SNX30: variants seen among roughly 807,000 people sequenced by gnomAD.
SNX30 encodes the protein sorting nexin-30.
Under a neutral mutation model 46.4 loss-of-function variants are expected in SNX30, and 24 were observed. The ratio of observed to expected loss-of-function variants is 0.52; its 90% CI spans 0.37 to 0.73. The LOEUF is 0.73. SNX30 is among the 30% of genes least tolerant of loss of function. SNX30 has a pLI of 0.00. For synonymous variants in SNX30, 189 were observed against 211.5 expected (o/e 0.89, Z 0.92); for missense variants, 533 against 555.7 (o/e 0.96, Z 0.41).
At chr9:112,855,386 A>G (rs1196700509) in intron 7 of SNX30, among the ~76,000 whole-genome samples, 1 of 152,168 alleles carries the variant, frequency 6.6e-6, no homozygotes, top group Non-Finnish European at 1.5e-5. Context: ...TCAGCAGAAG[A>G]TCCGAGGGAG....
At chr9:112,759,862 G>T (rs1839409611) in intron 1 of SNX30, among the ~76,000 whole-genome samples, 1 of 152,162 alleles carries the variant, frequency 6.6e-6, no homozygotes, top group African/African-American at 2.4e-5. Flanking sequence ...GTGAAAAGGG[G>T]ATAACAGATG....
At chr9:112,838,245 T>C (rs1409357890) in intron 5 of SNX30, among the ~76,000 whole-genome samples, 1 of 152,170 alleles carries the variant, frequency 6.6e-6, no homozygotes, top group African/African-American at 2.4e-5. Context: ...CTTTTCCCCA[T>C]AAGGCCCATT....
intron 3 of SNX30, among the ~76,000 whole-genome samples, chr9:112,823,078 T>C (rs895902170): frequency 5.3e-5 from 8 of 152,226 alleles, no homozygotes; most frequent in Non-Finnish European, 5.9e-5. Context: ...GGAAAAAACA[T>C]ATACATATAT....
intron 2 of SNX30, among the ~76,000 whole-genome samples, chr9:112,815,218 C>T (rs1044581356): frequency 6.7e-6 from 1 of 150,176 alleles, no homozygotes; most frequent in Non-Finnish European, 1.5e-5. Flanking sequence ...TTGGTTGTGG[C>T]AAAAATAAAA....
chr9:112,804,030 A>C (rs1840181358), intron 1 of SNX30, among the ~76,000 whole-genome samples: 1 of 142,900 alleles, frequency 7.0e-6, no homozygotes, highest in African/African-American at 2.6e-5. Flanking sequence ...GCCTGCGCCC[A>C]CTGTCTGGCA....
At chr9:112,785,675 C>G (rs867828758) in intron 1 of SNX30, among the ~76,000 whole-genome samples, 1 of 151,624 alleles carries the variant, frequency 6.6e-6, no homozygotes, top group Non-Finnish European at 1.5e-5. Flanking sequence ...TGTGCCACCA[C>G]GCCTGGCCGT....
intron 3 of SNX30, among the ~76,000 whole-genome samples, chr9:112,819,573 C>G (rs1840460524): frequency 1.3e-5 from 2 of 152,098 alleles, no homozygotes. Context: ...GGCCCAAGTT[C>G]CTTTTTTCTG....
chr9:112,786,971 G>A (rs1456263903), intron 1 of SNX30, among the ~76,000 whole-genome samples: 2 of 152,030 alleles, frequency 1.3e-5, no homozygotes, highest in African/African-American at 4.8e-5. Context: ...CTTTTCCAGT[G>A]AACACGCTAA....
In SNX30 at chr9:112,751,021, A is replaced by G. The variant is rs972586763; in HGVS notation, c.20A>G (p.Lys7Arg). 6.4e-6 allele frequency: 9 copies of G among 1,395,730 alleles called. No individual in the cohort carries two copies. Among genetic ancestry groups the G allele is most frequent in the Non-Finnish European group, 4.7e-6 (5 of 1,072,648 alleles). The allele number at this position is 1,395,730 out of a possible 1,614,324, so 86.5% of individuals were successfully genotyped here. A position where few individuals can be genotyped will look rare whatever the true frequency, so the allele number is the denominator to read the frequency against. The part of the protein sequence containing the change: MAGGPP[K>R]ALPSTGPHSL... ...CGCGCCATGGCGGGCGGGCCCCCCA[A>G]GGCCCTGCCGTCCACGGGGCCCCAC... Residue 7 changes from lysine to arginine, a missense_variant, in exon 1 of 9, where the codon AAG becomes AGG. Coordinates refer to ENST00000374232, the MANE Select transcript of SNX30 (RefSeq NM_001012994.2).
intron 1 of SNX30, among the ~76,000 whole-genome samples, chr9:112,798,140 T>A (rs10981509): frequency 0.046 from 1,558 of 33,772 alleles, 27 homozygotes; most frequent in East Asian, 0.35. Flanking sequence ...TTTTTTTTTT[T>A]ATTATACTCT....
At chr9:112,851,028 G>A (rs1031250460) in intron 7 of SNX30, 83 bp downstream of exon 7, 22 of 1,052,144 alleles carry the variant, frequency 2.1e-5, no homozygotes, top group Non-Finnish European at 3.2e-5. Context: ...AGATCTGTAT[G>A]ACTAAGAGTG....
intron 7 of SNX30, among the ~76,000 whole-genome samples, chr9:112,861,561 G>A (rs1841232844): frequency 6.6e-6 from 1 of 152,178 alleles, no homozygotes; most frequent in Admixed American, 6.5e-5. Flanking sequence ...GAAGTGTGGG[G>A]CTTTTTCTAT....
At chr9:112,845,799 A>G (rs939543480) in intron 6 of SNX30, among the ~76,000 whole-genome samples, 4 of 152,246 alleles carry the variant, frequency 2.6e-5, no homozygotes, top group Non-Finnish European at 5.9e-5. Context: ...CCCTCTGTGC[A>G]GAGAGCTTTC....
At chr9:112,854,683 G>C (rs1336013966) in intron 7 of SNX30, among the ~76,000 whole-genome samples, 1 of 152,188 alleles carries the variant, frequency 6.6e-6, no homozygotes, top group African/African-American at 2.4e-5. Flanking sequence ...GCTGCCTTTG[G>C]GTCTGGGGCA....
At chr9:112,835,017 C>T (rs1053267588) in intron 4 of SNX30, among the ~76,000 whole-genome samples, 5 of 152,150 alleles carry the variant, frequency 3.3e-5, no homozygotes, top group Admixed American at 1.3e-4. Flanking sequence ...ACATCAAATG[C>T]GGAGGGGCTG....
intron 2 of SNX30, among the ~76,000 whole-genome samples, chr9:112,808,166 G>A (rs752610630): frequency 1.3e-5 from 2 of 152,204 alleles, no homozygotes; most frequent in African/African-American, 4.8e-5. Context: ...AGAGGAACAC[G>A]GGATCCCAAC....
At chr9:112,816,124 G>A (rs576171299) in intron 2 of SNX30, among the ~76,000 whole-genome samples, 1 of 152,294 alleles carries the variant, frequency 6.6e-6, no homozygotes, top group South Asian at 2.1e-4. Context: ...GGGATTACAG[G>A]CATGAGCCAC....
At chr9:112,769,167 A>G (rs924546367) in intron 1 of SNX30, among the ~76,000 whole-genome samples, 20 of 152,198 alleles carry the variant, frequency 1.3e-4, no homozygotes, top group Non-Finnish European at 1.8e-4. Flanking sequence ...TTTTGATTCA[A>G]CAAGTTCTTT....
intron 7 of SNX30, among the ~76,000 whole-genome samples, chr9:112,861,675 G>A (rs1841235427): frequency 6.6e-6 from 1 of 152,218 alleles, no homozygotes; most frequent in Non-Finnish European, 1.5e-5. Flanking sequence ...CTTGCGAGCT[G>A]CAGTTCCCTC....
Sources: allele counts gnomAD v4.1 joint callset (sites outside exome capture counted in the v4.1 genomes callset), GRCh38; gene constraint gnomAD v4.1.1; transcripts MANE v1.5; gene names NCBI Gene and HGNC (gene_info 2026-07-23, HGNC 2026-07-21).